CARMIL1: variants seen among roughly 807,000 people sequenced by gnomAD.
The protein encoded by CARMIL1 is F-actin-uncapping protein LRRC16A.
CARMIL1 carries 90 observed loss-of-function variants against 177.1 expected under a neutral mutation model. The observed-to-expected ratio is 0.51, with a 90% confidence interval of 0.43 to 0.61. The LOEUF (loss-of-function observed/expected upper bound fraction) is 0.61. Ranked by LOEUF, CARMIL1 falls within the 20% of genes least tolerant of loss-of-function variation. The pLI, the probability that CARMIL1 is intolerant of heterozygous loss-of-function variation, is 0.00. For synonymous variants in CARMIL1, 577 were observed against 606.2 expected, an observed-to-expected ratio of 0.95 and a Z score of 0.71; for missense variants, 1,380 against 1,667.0, an observed-to-expected ratio of 0.83 and a Z score of 3.00.
chr6:25,343,512 T>A (rs1025337274), intron 2 of CARMIL1, among the ~76,000 whole-genome samples: 6 of 152,026 alleles, frequency 3.9e-5, no homozygotes, highest in Admixed American at 2.6e-4. Context: ...CACCAATCTC[T>A]ACTTGACCCT....
At chr6:25,578,709 A>G (rs1275417020) in intron 29 of CARMIL1, among the ~76,000 whole-genome samples, 7 of 152,202 alleles carry the variant, frequency 4.6e-5, no homozygotes. Flanking sequence ...TACAAATTCT[A>G]TTTTAGCAAA....
At chr6:25,477,904 G>A (rs1263438132) in intron 11 of CARMIL1, among the ~76,000 whole-genome samples, 1 of 128,398 alleles carries the variant, frequency 7.8e-6, no homozygotes, top group Non-Finnish European at 1.5e-5. Flanking sequence ...TGCCCAGGCT[G>A]GAGTATGGTG....
intron 2 of CARMIL1, among the ~76,000 whole-genome samples, chr6:25,351,140 G>A (rs952641875): frequency 2.0e-5 from 3 of 152,066 alleles, no homozygotes; most frequent in African/African-American, 4.8e-5. Context: ...TATGGCCACC[G>A]AGCACTTGAA....
intron 22 of CARMIL1, 150 bp downstream of exon 22, chr6:25,517,565 C>A: frequency 1.6e-6 from 1 of 606,146 alleles, no homozygotes. Context: ...GCTATGGGAT[C>A]TTGGAAGACA....
chr6:25,508,737 T>C (rs406339), intron 17 of CARMIL1, among the ~76,000 whole-genome samples: 66,350 of 152,018 alleles, frequency 0.44, 14,861 homozygotes, highest in Middle Eastern at 0.52. Context: ...TTCCTTGGTT[T>C]ATAGTAGGTT....
At chr6:25,514,640 G>C (rs1034496964) in intron 20 of CARMIL1, among the ~76,000 whole-genome samples, 1 of 151,430 alleles carries the variant, frequency 6.6e-6, no homozygotes, top group Non-Finnish European at 1.5e-5. Context: ...ATAAAGTTAA[G>C]GCTGAGTGTG....
intron 11 of CARMIL1, among the ~76,000 whole-genome samples, chr6:25,480,801 A>T (rs1802047668): frequency 1.4e-5 from 2 of 145,984 alleles, no homozygotes; most frequent in Non-Finnish European, 3.0e-5. Flanking sequence ...GCTCACTGCA[A>T]TCTCCACCTC....
rs149471223 is a variant in CARMIL1 at position 25,427,756 on chromosome 6, G to A, written c.249+1196G>A. On this transcript the variant is annotated intron_variant, in intron 4 of 36. Transcript: ENST00000329474. ...CTTTTTAATGTTAGCCATTCAACAA[G>A]TATGTAGTGCTTTTTCATTGTGGTT... Among the ~76,000 whole-genome samples the A allele has an allele frequency of 2.8e-3, 422 of 152,288 alleles. 2 individuals are homozygous for A. The highest frequency in any genetic ancestry group is 9.8e-3 in the African/African-American group (409 of 41,580).
In CARMIL1 at chr6:25,279,585, A is replaced by C. The variant is rs1289661542; in HGVS notation, c.-211A>C. 8.3e-6 allele frequency: 5 copies of C among 601,780 alleles called. No individual in the cohort carries two copies. The highest frequency in any genetic ancestry group is 1.5e-5 in the Non-Finnish European group (5 of 336,632). The allele number at this position is 601,780 out of a possible 1,614,324, so 37.3% of individuals were successfully genotyped here. On this transcript the variant is annotated 5_prime_UTR_variant, in exon 1 of 37. Coordinates refer to ENST00000329474, the MANE Select transcript of CARMIL1 (RefSeq NM_017640.6). ...CGAGGAGGCGTCATGTAGCAGCAGCAGCAAATCCGCCTCGCATTTGCAACT... is the reference window on the plus strand; with the variant it reads ...CGAGGAGGCGTCATGTAGCAGCAGCCGCAAATCCGCCTCGCATTTGCAACT...
rs181589377 is a variant in CARMIL1, at chr6:25,416,068, A to G, written c.139-4046A>G. 3.8e-4 allele frequency among the ~76,000 whole-genome samples: 58 copies of G among 152,240 alleles called. 1 individual carries two copies. The East Asian group carries it at 9.3e-3, about 24-fold the overall frequency. On this transcript the variant is annotated intron_variant, in intron 2 of 36. Transcript: ENST00000329474. Reference sequence around the variant, plus strand: ...TCATGTAGACAGATACAGAACAGAGATAAGAGAGAAATTCAGAGACACAGA... The same window carrying G: ...TCATGTAGACAGATACAGAACAGAGGTAAGAGAGAAATTCAGAGACACAGA...
At chr6:25,428,411 CTCTT>C (rs1164258002) in intron 4 of CARMIL1, among the ~76,000 whole-genome samples, 4 of 152,308 alleles carry the variant, frequency 2.6e-5, no homozygotes, top group African/African-American at 7.2e-5. Flanking sequence ...CTCTTATACT[CTCTT>C]TATTATTGTG....
intron 26 of CARMIL1, among the ~76,000 whole-genome samples, chr6:25,544,641 A>ACACACC (rs1321463014): frequency 6.9e-6 from 1 of 143,990 alleles, no homozygotes; most frequent in Admixed American, 7.0e-5. Context: ...ACACACACAC[A>ACACACC]CACACCCCAA....
chr6:25,351,834 GTTATGA>G (rs1562022503), intron 2 of CARMIL1, among the ~76,000 whole-genome samples: 1 of 151,700 alleles, frequency 6.6e-6, no homozygotes, highest in Non-Finnish European at 1.5e-5. Flanking sequence ...AGTGCCCAGT[GTTATGA>G]TTATTATTCC....
At chr6:25,544,341 A>C (rs537465214) in intron 26 of CARMIL1, among the ~76,000 whole-genome samples, 15 of 152,182 alleles carry the variant, frequency 9.9e-5, no homozygotes, top group African/African-American at 2.6e-4. Context: ...AGTGCTGAAG[A>C]TAAAGATCTT....
At chr6:25,419,824 T>G (rs1795684144) in intron 2 of CARMIL1, among the ~76,000 whole-genome samples, 1 of 152,218 alleles carries the variant, frequency 6.6e-6, no homozygotes, top group South Asian at 2.1e-4. Context: ...CACAGAGACC[T>G]GTTTTACTTA....
At chr6:25,426,693 T>A in intron 4 of CARMIL1, 133 bp downstream of exon 4, 1 of 663,968 alleles carries the variant, frequency 1.5e-6, no homozygotes, top group Non-Finnish European at 2.5e-6. Context: ...GACTCAACAC[T>A]GGCTGTGTGG....
At chr6:25,450,069 C>A in intron 6 of CARMIL1, 74 bp downstream of exon 6, 1 of 1,232,110 alleles carries the variant, frequency 8.1e-7, no homozygotes, top group Non-Finnish European at 1.1e-6. Context: ...AAGTCTATTC[C>A]TAGTGTGCTA....
At chr6:25,346,272 C>G (rs56084108) in intron 2 of CARMIL1, among the ~76,000 whole-genome samples, 5,641 of 152,250 alleles carry the variant, frequency 0.037, 138 homozygotes, top group Middle Eastern at 0.099. Context: ...CCTTGTTTCC[C>G]CCTCTGGTCT....
chr6:25,453,841 G>A (rs567850603), intron 8 of CARMIL1, among the ~76,000 whole-genome samples: 260 of 152,164 alleles, frequency 1.7e-3, no homozygotes, highest in Admixed American at 5.2e-3. Context: ...CTACGGGAGT[G>A]AAGACACTGT....
Sources: allele counts gnomAD v4.1 joint callset (sites outside exome capture counted in the v4.1 genomes callset), GRCh38; gene constraint gnomAD v4.1.1; transcripts MANE v1.5; gene names NCBI Gene and HGNC (gene_info 2026-07-23, HGNC 2026-07-21).